Variants in PDE1C observed in about 807,000 individuals in gnomAD.
The protein encoded by PDE1C is phosphodiesterase 1C, also known as dual specificity calcium/calmodulin-dependent 3',5'-cyclic nucleotide phosphodiesterase 1C.
Under a neutral mutation model 93.1 loss-of-function variants are expected in PDE1C, and 62 were observed. The ratio of observed to expected loss-of-function variants is 0.67; its 90% CI spans 0.54 to 0.82. PDE1C has a LOEUF of 0.82. Ranked by LOEUF, PDE1C falls within the 40% of genes least tolerant of loss-of-function variation. The pLI is 0.00. For missense variants in PDE1C, 742 were observed against 884.6 expected (o/e 0.84, Z 2.04); for synonymous variants, 325 against 310.1 (o/e 1.05, Z -0.50).
At chr7:32,050,186 G>C (rs1033883074) in intron 2 of PDE1C, among the ~76,000 whole-genome samples, 1 of 152,126 alleles carries the variant, frequency 6.6e-6, no homozygotes, top group Non-Finnish European at 1.5e-5. Flanking sequence ...ATAATCTTAT[G>C]GGACCACCTA....
chr7:32,035,430 GTCTT>G (rs2128645756), intron 2 of PDE1C, among the ~76,000 whole-genome samples: 1 of 152,262 alleles, frequency 6.6e-6, no homozygotes, highest in African/African-American at 2.4e-5. Context: ...AAATAAACCT[GTCTT>G]TGACTATTGA....
chr7:31,889,764 A>T (rs948672763), intron 2 of PDE1C, among the ~76,000 whole-genome samples: 11 of 152,326 alleles, frequency 7.2e-5, no homozygotes, highest in African/African-American at 2.6e-4. Context: ...TTCTATTCTT[A>T]TGGTACTCTA....
At position 31,814,020 on chromosome 7, in the gene PDE1C, G is replaced by A. The variant is rs1313306575; in HGVS notation, c.1813+1904C>T. Among the ~76,000 whole-genome samples the A allele has an allele frequency of 5.4e-3, 4 of 738 alleles. No homozygotes were observed. In the Non-Finnish European group the frequency reaches 0.1, roughly 18 times the overall value. 0.5% of individuals were successfully genotyped at this position (738 alleles called of 152,430 possible). On this transcript the variant is annotated intron_variant, in intron 15 of 17. Transcript: ENST00000396191. ...TTTTATGGCTGAATAGTATTCCATC[G>A]TGTGTGTGTGTGTGTGTGTATACAT...
intron 2 of PDE1C, among the ~76,000 whole-genome samples, chr7:32,036,417 G>A (rs1791095873): frequency 6.6e-6 from 1 of 152,094 alleles, no homozygotes; most frequent in South Asian, 2.1e-4. Flanking sequence ...ACCTTAAGAA[G>A]TTAGAAAATG....
Position 32,360,820 on chromosome 7 carries a change from C to G in PDE1C, c.310+67002G>C, listed in dbSNP as rs149266767. ...GACATAAAATTTCCCTGTCTAAACT[C>G]AAAGACTTGGGATCGGAAAATATGA... On this transcript the variant is annotated intron_variant, in intron 1 of 1. Coordinates refer to the PDE1C transcript ENST00000672256. Among the ~76,000 whole-genome samples the G allele has an allele frequency of 4.8e-3, 729 of 152,220 alleles. 6 individuals carry two copies. The highest frequency in any genetic ancestry group is 0.014 in the Middle Eastern group (4 of 294).
chr7:31,982,305 C>G (rs1053047028), intron 2 of PDE1C, among the ~76,000 whole-genome samples: 4 of 151,944 alleles, frequency 2.6e-5, no homozygotes, highest in African/African-American at 9.7e-5. Context: ...GGTGTGAACT[C>G]GAAAGAATGA....
chr7:31,622,451 A>T, the PDE1C span, among the ~76,000 whole-genome samples: 282 of 151,450 alleles, frequency 1.9e-3, 1 homozygote, highest in African/African-American at 6.5e-3. Context: ...GGATTAAGAA[A>T]CTCACTCAAA....
chr7:32,391,168 C>G (rs910484780), intron 1 of PDE1C, among the ~76,000 whole-genome samples: 1 of 151,970 alleles, frequency 6.6e-6, no homozygotes, highest in South Asian at 2.1e-4. Context: ...GACAAATAAA[C>G]TAAAAAGTTT....
At chr7:32,034,625 C>A in intron 2 of PDE1C, among the ~76,000 whole-genome samples, 1 of 152,102 alleles carries the variant, frequency 6.6e-6, no homozygotes, top group Non-Finnish European at 1.5e-5. Flanking sequence ...AGGAATTAAC[C>A]AAACCTCCAA....
At chr7:31,646,210 A>G in the PDE1C span, among the ~76,000 whole-genome samples, 1 of 152,168 alleles carries the variant, frequency 6.6e-6, no homozygotes, top group Non-Finnish European at 1.5e-5. Context: ...GTTTTTCTAG[A>G]CCTGTTTAAT....
chr7:31,643,010 C>T, the PDE1C span: 2 of 1,613,844 alleles, frequency 1.2e-6, no homozygotes, highest in Non-Finnish European at 1.7e-6. Flanking sequence ...CTGCCAATGC[C>T]CCATGCTGAG....
chr7:32,299,043 C>T (rs1585095708), exon 1 of PDE1C: 1 of 1,149,608 alleles, frequency 8.7e-7, no homozygotes, highest in Non-Finnish European at 1.1e-6. Context: ...AGCGCGTGGA[C>T]GGGGCTGACC....
intron 2 of PDE1C, among the ~76,000 whole-genome samples, chr7:31,981,506 G>A (rs1433611558): frequency 2.0e-5 from 3 of 152,118 alleles, no homozygotes; most frequent in African/African-American, 7.2e-5. Flanking sequence ...ATAGATCCAT[G>A]AGCCTAAACA....
chr7:32,355,125 A>C (rs907297656), intron 1 of PDE1C, among the ~76,000 whole-genome samples: 3 of 152,198 alleles, frequency 2.0e-5, no homozygotes, highest in Admixed American at 6.5e-5. Flanking sequence ...GTAACTAACC[A>C]CAGCTCCTTC....
chr7:31,707,432 A>G, the PDE1C span: 1 of 617,282 alleles, frequency 1.6e-6, no homozygotes, highest in Non-Finnish European at 2.8e-6. Flanking sequence ...TATGCCATCA[A>G]ATTGCCAGTC....
At chr7:31,870,512 A>G (rs866932608) in intron 6 of PDE1C, among the ~76,000 whole-genome samples, 1 of 152,060 alleles carries the variant, frequency 6.6e-6, no homozygotes, top group African/African-American at 2.4e-5. Flanking sequence ...GAGGAAATGG[A>G]TAAGTTCCTG....
At chr7:31,938,137 G>T (rs549907164) in intron 2 of PDE1C, among the ~76,000 whole-genome samples, 38 of 151,944 alleles carry the variant, frequency 2.5e-4, no homozygotes, top group South Asian at 1.0e-3. Flanking sequence ...TTCACACTGT[G>T]TAGATACAAT....
chr7:31,953,892 G>T (rs1807757550), intron 2 of PDE1C, among the ~76,000 whole-genome samples: 1 of 152,146 alleles, frequency 6.6e-6, no homozygotes, highest in African/African-American at 2.4e-5. Context: ...AGAGTATCTT[G>T]GTTCCTTGAT....
the PDE1C span, among the ~76,000 whole-genome samples, chr7:31,660,915 A>G: frequency 3.3e-5 from 5 of 152,116 alleles, no homozygotes; most frequent in African/African-American, 1.2e-4. Flanking sequence ...GTATATACAT[A>G]TATGTACACA....
Sources: allele counts gnomAD v4.1 joint callset (sites outside exome capture counted in the v4.1 genomes callset), GRCh38; gene constraint gnomAD v4.1.1; transcripts MANE v1.5; gene names NCBI Gene and HGNC (gene_info 2026-07-23, HGNC 2026-07-21).